The following SCN11A variants were observed in gnomAD, a reference collection of about 807,000 sequenced individuals.
The protein encoded by SCN11A is sodium channel protein type 11 subunit alpha.
A neutral mutation model predicts 162.2 loss-of-function variants in SCN11A; 122 were observed. The ratio of observed to expected loss-of-function variants is 0.75; its 90% CI spans 0.65 to 0.87. The LOEUF is 0.87. Among genes scored for constraint, SCN11A ranks in the 40% least tolerant of loss-of-function variants. SCN11A has a pLI of 0.00. For synonymous variants in SCN11A, 758 were observed against 751.5 expected, an observed-to-expected ratio of 1.01 and a Z score of -0.14; for missense variants, 2,015 against 2,181.6, an observed-to-expected ratio of 0.92 and a Z score of 1.52.
chr3:38,875,440 T>A (rs150008334), intron 23 of SCN11A, among the ~76,000 whole-genome samples: 1 of 152,078 alleles, frequency 6.6e-6, no homozygotes, highest in East Asian at 1.9e-4. Context: ...GATGATATGA[T>A]TGTATACATA....
intron 28 of SCN11A, among the ~76,000 whole-genome samples, chr3:38,851,174 C>G (rs2064772824): frequency 6.6e-6 from 1 of 152,146 alleles, no homozygotes; most frequent in East Asian, 1.9e-4. Flanking sequence ...AGAATACCTG[C>G]TCACATAAGT....
intron 7 of SCN11A, among the ~76,000 whole-genome samples, chr3:38,934,225 C>T (rs1363341867): frequency 6.6e-6 from 1 of 152,182 alleles, no homozygotes; most frequent in Non-Finnish European, 1.5e-5. Context: ...CTGAAGGAAG[C>T]ACTAAACATG....
intron 22 of SCN11A, 77 bp downstream of exon 22, chr3:38,883,156 C>A: frequency 7.4e-7 from 1 of 1,342,960 alleles, no homozygotes; most frequent in South Asian, 1.4e-5. Flanking sequence ...TTCACAGTCC[C>A]ACGAGAAGCC....
rs571572316 is a variant in SCN11A at position 38,937,472 on chromosome 3, A to G, written c.488+7939T>C. ...GGGAGAAAATTTTCGCAACCTACTCATCTGACAAAGGGCTAATATCCAGAA... is the reference window on the plus strand; with the variant it reads ...GGGAGAAAATTTTCGCAACCTACTCGTCTGACAAAGGGCTAATATCCAGAA... On this transcript the variant is annotated intron_variant, in intron 7 of 29. Coordinates refer to ENST00000302328, the MANE Select transcript of SCN11A (RefSeq NM_001349253.2). Among the ~76,000 whole-genome samples the G allele has an allele frequency of 4.0e-5, 6 of 151,360 alleles. No homozygotes were observed. The East Asian group carries it at 1.2e-3, about 29-fold the overall frequency.
intron 7 of SCN11A, among the ~76,000 whole-genome samples, chr3:38,938,507 ATCATATATATATATATATAT>A (rs2066374032): frequency 8.5e-5 from 9 of 105,828 alleles, no homozygotes; most frequent in African/African-American, 3.3e-4. Context: ...AAGGAAAAAT[ATCATATATATATATATATAT>A]ATATATATAT....
At chr3:39,039,018 A>G (rs1559582626) in intron 1 of SCN11A, among the ~76,000 whole-genome samples, 1 of 152,240 alleles carries the variant, frequency 6.6e-6, no homozygotes, top group Non-Finnish European at 1.5e-5. Context: ...GTTTAAAGAT[A>G]TACCAGCAGA....
chr3:38,884,839 G>T (rs914314202), intron 21 of SCN11A, among the ~76,000 whole-genome samples: 17 of 152,334 alleles, frequency 1.1e-4, no homozygotes, highest in South Asian at 6.2e-4. Context: ...GCACAGAGAG[G>T]TTAACTAAAT....
At chr3:39,004,764 C>CT (rs1395103643) in intron 2 of SCN11A, among the ~76,000 whole-genome samples, 1 of 152,094 alleles carries the variant, frequency 6.6e-6, no homozygotes, top group Non-Finnish European at 1.5e-5. Flanking sequence ...TGCCCTCACA[C>CT]TTTAATTATA....
chr3:38,996,411 A>G (rs1218536914), intron 2 of SCN11A, among the ~76,000 whole-genome samples: 2 of 152,206 alleles, frequency 1.3e-5, no homozygotes, highest in Non-Finnish European at 2.9e-5. Flanking sequence ...GATTCATAAC[A>G]TCAACCATCA....
chr3:38,928,635 A>C, intron 7 of SCN11A, among the ~76,000 whole-genome samples: 1 of 152,344 alleles, frequency 6.6e-6, no homozygotes, highest in Non-Finnish European at 1.5e-5. Flanking sequence ...ATTTGAATAG[A>C]TATTTCTCCA....
intron 2 of SCN11A, among the ~76,000 whole-genome samples, chr3:39,006,981 G>A (rs2030997669): frequency 6.6e-6 from 1 of 152,044 alleles, no homozygotes; most frequent in African/African-American, 2.4e-5. Context: ...GTGGAGAGAG[G>A]ATCTGAATAG....
rs373639733 is a variant in SCN11A at position 38,950,356 on chromosome 3, C to G, written c.7G>C (p.Asp3His). The G allele has an allele frequency of 5.3e-5, 86 of 1,613,366 alleles. No individual in the cohort carries two copies. The highest frequency in any genetic ancestry group is 6.6e-5 in the Non-Finnish European group (78 of 1,180,016). MD[D>H]RCYPVIFPDE... ...GGAAAGATTACTGGGTAGCATCTGT[C>G]ATCCATCTTCACCCTCAGGACAGAG... is the stretch of plus-strand genomic sequence containing the variant. Residue 3 changes from aspartate to histidine, a missense_variant, in exon 5 of 30, where the codon GAC becomes CAC. By Grantham distance (81) the Asp-to-His change is moderately conservative. Coordinates refer to ENST00000302328, the MANE Select transcript of SCN11A (RefSeq NM_001349253.2).
At chr3:38,943,347 G>C (rs1175113418) in intron 7 of SCN11A, among the ~76,000 whole-genome samples, 1 of 152,160 alleles carries the variant, frequency 6.6e-6, no homozygotes, top group African/African-American at 2.4e-5. Context: ...ACTGCAAAGA[G>C]GCATGAGACG....
At chr3:39,020,647 G>A (rs2031427376) in intron 2 of SCN11A, among the ~76,000 whole-genome samples, 1 of 152,148 alleles carries the variant, frequency 6.6e-6, no homozygotes, top group South Asian at 2.1e-4. Flanking sequence ...ACCCACAGAA[G>A]AAACCCACTC....
chr3:38,903,311 T>C (rs1293203734), intron 16 of SCN11A, among the ~76,000 whole-genome samples: 7 of 152,242 alleles, frequency 4.6e-5, no homozygotes, highest in African/African-American at 1.4e-4. Context: ...GTTTTCCCAA[T>C]TTAACTGAGA....
chr3:38,937,163 AG>A (rs2066348053), intron 7 of SCN11A, among the ~76,000 whole-genome samples: 1 of 151,946 alleles, frequency 6.6e-6, no homozygotes, highest in East Asian at 1.9e-4. Flanking sequence ...AAAACTGGCT[AG>A]CCATATGTAG....
At chr3:38,902,276 C>G (rs1474065048) in intron 16 of SCN11A, among the ~76,000 whole-genome samples, 3 of 152,152 alleles carry the variant, frequency 2.0e-5, no homozygotes, top group African/African-American at 7.2e-5. Flanking sequence ...GGCCAGGAGA[C>G]CCTGATCTGT....
At position 38,885,408 on chromosome 3, in the gene SCN11A, C is replaced by A; in HGVS notation, c.2950-6G>T. On this transcript the variant is annotated splice_polypyrimidine_tract_variant and splice_region_variant and intron_variant, in intron 20 of 29. Coordinates refer to ENST00000302328, the MANE Select transcript of SCN11A (RefSeq NM_001349253.2). Reference sequence around the variant, plus strand: ...ATACTGGTAACATCAGACTTCTGCACATCAGAACAAAACGAAGGGGGTGCC... The same window carrying A: ...ATACTGGTAACATCAGACTTCTGCAAATCAGAACAAAACGAAGGGGGTGCC... 6.5e-7 allele frequency: 1 copy of A among 1,534,402 alleles called. No individual in the cohort carries two copies. The highest frequency in any genetic ancestry group is 9.0e-7 in the Non-Finnish European group (1 of 1,107,720).
At chr3:38,920,849 G>T (rs1490795522) in intron 10 of SCN11A, among the ~76,000 whole-genome samples, 1 of 152,170 alleles carries the variant, frequency 6.6e-6, no homozygotes, top group Admixed American at 6.5e-5. Flanking sequence ...GGACAGCATA[G>T]AATTGCTCTT....
Sources: gnomAD v4.1 joint callset for allele counts (sites outside exome capture counted in the v4.1 genomes callset) on GRCh38, gnomAD v4.1.1 for gene constraint, MANE v1.5 for transcripts, NCBI Gene and HGNC (gene_info 2026-07-23, HGNC 2026-07-21) for gene names.